Variants in SNTG2 observed in about 807,000 individuals in gnomAD.
The protein encoded by SNTG2 is gamma-2-syntrophin.
A neutral mutation model predicts 70.9 loss-of-function variants in SNTG2; 74 were observed. The ratio of observed to expected loss-of-function variants is 1.04; its 90% CI spans 0.86 to 1.27. The LOEUF (loss-of-function observed/expected upper bound fraction) is 1.27, where lower values mean the gene tolerates loss of function less well. SNTG2 is among the 50% of genes most tolerant of loss of function. The pLI, the probability that SNTG2 is intolerant of heterozygous loss-of-function variation, is 0.00. For missense variants in SNTG2, 717 were observed against 690.7 expected, an observed-to-expected ratio of 1.04 and a Z score of -0.43; for synonymous variants, 278 against 273.8, an observed-to-expected ratio of 1.02 and a Z score of -0.15.
At chr2:1,052,085 G>A (rs1662109805) in intron 1 of SNTG2, among the ~76,000 whole-genome samples, 1 of 151,914 alleles carries the variant, frequency 6.6e-6, no homozygotes, top group Non-Finnish European at 1.5e-5. Flanking sequence ...TAATTGATAA[G>A]TAATTTTACT....
intron 6 of SNTG2, chr2:1,159,347 T>C (rs1255319731): frequency 6.6e-6 from 1 of 152,042 alleles, no homozygotes; most frequent in Non-Finnish European, 1.5e-5. Context: ...ACATTTTTTT[T>C]CCAGAACACG....
chr2:1,297,157 C>T (rs1383619324), intron 14 of SNTG2, among the ~76,000 whole-genome samples: 4 of 152,194 alleles, frequency 2.6e-5, no homozygotes, highest in African/African-American at 7.2e-5. Context: ...GATCCCTGAG[C>T]TAATGCCCCC....
chr2:993,905 A>G (rs1661588583), intron 1 of SNTG2, among the ~76,000 whole-genome samples: 1 of 152,054 alleles, frequency 6.6e-6, no homozygotes, highest in African/African-American at 2.4e-5. Context: ...ATACATGTAG[A>G]TATAGGATTT....
At chr2:1,028,662 T>C (rs575262072) in intron 1 of SNTG2, among the ~76,000 whole-genome samples, 1 of 152,316 alleles carries the variant, frequency 6.6e-6, no homozygotes, top group Admixed American at 6.5e-5. Context: ...ACTCTGGGTC[T>C]TACAACACTG....
intron 13 of SNTG2, among the ~76,000 whole-genome samples, chr2:1,264,442 A>C (rs995459935): frequency 5.9e-5 from 9 of 152,202 alleles, no homozygotes; most frequent in African/African-American, 2.2e-4. Flanking sequence ...TGAGTCCAGT[A>C]ACGTAAACCT....
Position 1,237,999 on chromosome 2 carries a change from G to A in SNTG2, c.831G>A (p.Arg277=), listed in dbSNP as rs1041337153. 2 of 1,610,418 alleles carry A rather than the reference G, an allele frequency of 1.2e-6. No homozygotes were observed. Among genetic ancestry groups the A allele is most frequent in the Non-Finnish European group, 8.5e-7 (1 of 1,178,734 alleles). ...DWLRAVSANI[R]ELTLQNMKMA... Reference sequence around the variant, plus strand: ...TGCGGGCGGTCTCAGCCAACATCAGGGAGCTGACACTTCAGAACGTGAGCA... The same window carrying A: ...TGCGGGCGGTCTCAGCCAACATCAGAGAGCTGACACTTCAGAACGTGAGCA... Residue 277 remains arginine, a synonymous_variant, in exon 10 of 17, where the codon AGG becomes AGA. Transcript: ENST00000308624.
chr2:1,096,614 T>C (rs1016978668), intron 2 of SNTG2, among the ~76,000 whole-genome samples: 5 of 152,238 alleles, frequency 3.3e-5, no homozygotes, highest in Non-Finnish European at 5.9e-5. Flanking sequence ...CTCGGCACAG[T>C]GTCCTCCAGG....
intron 1 of SNTG2, among the ~76,000 whole-genome samples, chr2:964,106 T>G (rs1660449048): frequency 6.6e-6 from 1 of 152,204 alleles, no homozygotes; most frequent in Non-Finnish European, 1.5e-5. Flanking sequence ...AACACCAGTG[T>G]TGCTTGTGAA....
chr2:1,102,244 G>A (rs1475488149), intron 4 of SNTG2, among the ~76,000 whole-genome samples: 1 of 152,186 alleles, frequency 6.6e-6, no homozygotes, highest in African/African-American at 2.4e-5. Flanking sequence ...CTGTGAGTAA[G>A]AGAGTCAGCT....
chr2:994,065 C>T (rs1034032843), intron 1 of SNTG2, among the ~76,000 whole-genome samples: 1 of 151,992 alleles, frequency 6.6e-6, no homozygotes, highest in Non-Finnish European at 1.5e-5. Context: ...AAACAATTGT[C>T]TGACCCAAGA....
At chr2:1,320,077 T>A (rs1396894362) in intron 16 of SNTG2, among the ~76,000 whole-genome samples, 1 of 152,234 alleles carries the variant, frequency 6.6e-6, no homozygotes, top group East Asian at 1.9e-4. Context: ...GAAACAAGTT[T>A]CCTTTTAGTA....
At chr2:1,224,255 A>G (rs796759197) in intron 9 of SNTG2, among the ~76,000 whole-genome samples, 4 of 152,314 alleles carry the variant, frequency 2.6e-5, no homozygotes, top group African/African-American at 4.8e-5. Flanking sequence ...TTGACCCCAG[A>G]CTTGGGGATG....
chr2:1,339,214 GT>G (rs1376281864), intron 16 of SNTG2, among the ~76,000 whole-genome samples: 5 of 152,122 alleles, frequency 3.3e-5, no homozygotes, highest in African/African-American at 1.2e-4. Context: ...TGGATTTTTT[GT>G]TTTTTTGATG....
At chr2:984,843 G>A (rs544064552) in intron 1 of SNTG2, among the ~76,000 whole-genome samples, 68 of 152,268 alleles carry the variant, frequency 4.5e-4, no homozygotes, top group Non-Finnish European at 9.4e-4. Context: ...CAGACCTTAG[G>A]TCTTCAAGTC....
chr2:1,078,352 G>A (rs574396614), intron 1 of SNTG2, among the ~76,000 whole-genome samples: 12 of 152,332 alleles, frequency 7.9e-5, no homozygotes, highest in African/African-American at 2.9e-4. Flanking sequence ...GGATGGCGGA[G>A]TTCCGATTTT....
In SNTG2 at chr2:1,275,939, C is replaced by T. The variant is rs568207361; in HGVS notation, c.1284+8368C>T. Among the ~76,000 whole-genome samples the T allele has an allele frequency of 3.3e-5, 5 of 152,308 alleles. No individual in the cohort carries two copies. In the South Asian group the frequency reaches 8.3e-4, roughly 25 times the overall value. ...CGAAGAAAGTTCTGAACAAGATCAA[C>T]GTGCTGAATAAGAACAAACCAGCCA... On this transcript the variant is annotated intron_variant, in intron 14 of 16. Transcript: ENST00000308624.
At chr2:1,091,756 CTT>C (rs1470945857) in intron 2 of SNTG2, among the ~76,000 whole-genome samples, 1 of 152,198 alleles carries the variant, frequency 6.6e-6, no homozygotes, top group Non-Finnish European at 1.5e-5. Context: ...TTATCATACA[CTT>C]TTCAAAACTC....
chr2:1,143,974 C>T (rs1668935632), intron 6 of SNTG2, among the ~76,000 whole-genome samples: 2 of 151,222 alleles, frequency 1.3e-5, no homozygotes, highest in African/African-American at 2.4e-5. Context: ...TATTGCAATT[C>T]TCATGAAAAC....
At chr2:1,115,566 T>G (rs999417020) in intron 4 of SNTG2, among the ~76,000 whole-genome samples, 1 of 151,240 alleles carries the variant, frequency 6.6e-6, no homozygotes, top group East Asian at 2.0e-4. Flanking sequence ...TTGAGAAGAA[T>G]CTTGTGTACT....
Sources: gnomAD v4.1 joint callset for allele counts (sites outside exome capture counted in the v4.1 genomes callset) on GRCh38, gnomAD v4.1.1 for gene constraint, MANE v1.5 for transcripts, NCBI Gene and HGNC (gene_info 2026-07-23, HGNC 2026-07-21) for gene names.